Variants in PCCA observed in about 807,000 individuals in gnomAD.
PCCA encodes the protein propionyl-CoA carboxylase alpha chain, mitochondrial.
Under a neutral mutation model 101.3 loss-of-function variants are expected in PCCA, and 74 were observed. That is an observed-to-expected ratio of 0.73 (90% CI 0.61 to 0.89). The LOEUF (loss-of-function observed/expected upper bound fraction) is 0.89. Ranked by LOEUF, PCCA falls within the 40% of genes least tolerant of loss-of-function variation. The pLI is 0.00. For synonymous variants in PCCA, 294 were observed against 313.6 expected (o/e 0.94, Z 0.66); for missense variants, 891 against 907.0 (o/e 0.98, Z 0.23).
intron 20 of PCCA, among the ~76,000 whole-genome samples, chr13:100,428,613 A>G (rs2079335777): frequency 6.6e-6 from 1 of 152,082 alleles, no homozygotes. Context: ...GCTTTAAACC[A>G]GAGATGCTTA....
At chr13:100,235,255 T>C (rs1379834911) in intron 7 of PCCA, among the ~76,000 whole-genome samples, 1 of 149,074 alleles carries the variant, frequency 6.7e-6, no homozygotes, top group Non-Finnish European at 1.5e-5. Flanking sequence ...CAAGATACAA[T>C]TGTAGAGATA....
chr13:100,222,503 T>G (rs1326766738), intron 7 of PCCA, among the ~76,000 whole-genome samples: 1 of 152,230 alleles, frequency 6.6e-6, no homozygotes, highest in African/African-American at 2.4e-5. Flanking sequence ...CCACATTCAC[T>G]TGGAGCTACA....
rs2078802472 is a variant in PCCA at position 100,422,060 on chromosome 13, T to C, written c.1747-3573T>C. 1.1e-4 allele frequency among the ~76,000 whole-genome samples: 5 copies of C among 45,724 alleles called. No individual in the cohort carries two copies. In the South Asian group the frequency reaches 0.012, roughly 109 times the overall value. The allele number at this position is 45,724 out of a possible 152,430, so 30.0% of individuals were successfully genotyped here. ...TTCTTTTCTTTCTTTTCCTTTTCTC[T>C]TCTCTTTTCTTTTCTTTCTTTCTTT... On this transcript the variant is annotated intron_variant, in intron 19 of 23. Transcript: ENST00000376285.
chr13:100,404,703 C>T (rs773049802), intron 19 of PCCA, among the ~76,000 whole-genome samples: 1 of 152,230 alleles, frequency 6.6e-6, no homozygotes. Flanking sequence ...CCATGGCTGT[C>T]AAATCAACTT....
chr13:100,449,828 A>G (rs1349167592), intron 21 of PCCA, among the ~76,000 whole-genome samples: 2 of 152,172 alleles, frequency 1.3e-5, no homozygotes, highest in African/African-American at 2.4e-5. Flanking sequence ...TTAAACATGT[A>G]TGATATATTT....
At chr13:100,435,727 A>C (rs2079880774) in intron 20 of PCCA, among the ~76,000 whole-genome samples, 1 of 152,228 alleles carries the variant, frequency 6.6e-6, no homozygotes. Flanking sequence ...ACAACAGAAC[A>C]AAAACAGGGA....
chr13:100,166,726 G>C (rs1481322539), intron 6 of PCCA, among the ~76,000 whole-genome samples: 1 of 152,142 alleles, frequency 6.6e-6, no homozygotes, highest in Admixed American at 6.5e-5. Flanking sequence ...TACAACTAGA[G>C]GTGCTATGAA....
At chr13:100,348,828 T>C (rs1202894402) in intron 18 of PCCA, among the ~76,000 whole-genome samples, 1 of 143,214 alleles carries the variant, frequency 7.0e-6, no homozygotes, top group Non-Finnish European at 1.6e-5. Flanking sequence ...TTCTTTCTTT[T>C]CTCTCTCTTT....
intron 16 of PCCA, among the ~76,000 whole-genome samples, chr13:100,319,688 G>T (rs1456668595): frequency 6.6e-6 from 1 of 152,172 alleles, no homozygotes; most frequent in Non-Finnish European, 1.5e-5. Context: ...CTGTTCCATT[G>T]GTCCATATGT....
chr13:100,103,803 T>A (rs1008587804), intron 2 of PCCA, among the ~76,000 whole-genome samples: 4 of 149,000 alleles, frequency 2.7e-5, no homozygotes, highest in African/African-American at 9.9e-5. Flanking sequence ...GCCCGTCTAA[T>A]TTTTGTGTTT....
At chr13:100,142,544 G>A (rs759179801) in intron 4 of PCCA, among the ~76,000 whole-genome samples, 28 of 148,956 alleles carry the variant, frequency 1.9e-4, no homozygotes, top group Admixed American at 9.5e-4. Flanking sequence ...GCATGATCTC[G>A]GCTCATGCAA....
At chr13:100,447,291 G>A (rs772414883) in intron 20 of PCCA, among the ~76,000 whole-genome samples, 7 of 152,074 alleles carry the variant, frequency 4.6e-5, no homozygotes, top group African/African-American at 9.7e-5. Context: ...GGCTGAGGCC[G>A]GAGAATCGCT....
chr13:100,483,511 G>A (rs1458209370), intron 21 of PCCA, among the ~76,000 whole-genome samples: 3 of 152,144 alleles, frequency 2.0e-5, no homozygotes, highest in Admixed American at 1.3e-4. Flanking sequence ...TCCTTCCCCA[G>A]GCAAAGACTC....
At chr13:100,524,089 G>A (rs550497188) in intron 22 of PCCA, among the ~76,000 whole-genome samples, 10 of 152,320 alleles carry the variant, frequency 6.6e-5, no homozygotes, top group East Asian at 3.9e-4. Flanking sequence ...TACGGTGTGC[G>A]ACACATTCTG....
chr13:100,472,164 G>A (rs1055909093), intron 21 of PCCA, among the ~76,000 whole-genome samples: 4 of 152,136 alleles, frequency 2.6e-5, no homozygotes, highest in African/African-American at 2.4e-5. Context: ...CAATGCAGAC[G>A]TGGGCCCTTA....
intron 19 of PCCA, among the ~76,000 whole-genome samples, chr13:100,384,239 T>C (rs1195376102): frequency 6.6e-6 from 1 of 152,244 alleles, no homozygotes; most frequent in Non-Finnish European, 1.5e-5. Flanking sequence ...TTGGCCAGGC[T>C]GATCTCGAAC....
At chr13:100,230,795 C>T (rs533801451) in intron 7 of PCCA, among the ~76,000 whole-genome samples, 2 of 152,286 alleles carry the variant, frequency 1.3e-5, no homozygotes, top group East Asian at 3.9e-4. Flanking sequence ...ACCAGCTGGA[C>T]AAGGGTTTCT....
chr13:100,445,096 G>A (rs985171996), intron 20 of PCCA, among the ~76,000 whole-genome samples: 7 of 152,160 alleles, frequency 4.6e-5, no homozygotes, highest in Admixed American at 2.0e-4. Flanking sequence ...GAGCTGGTGT[G>A]TGTGGAGGTC....
At chr13:100,159,055 C>T (rs942238019) in intron 6 of PCCA, among the ~76,000 whole-genome samples, 2 of 132,858 alleles carry the variant, frequency 1.5e-5, no homozygotes, top group African/African-American at 2.8e-5. Context: ...ACAGTTTATG[C>T]ATTTTTTCAG....
Sources: gnomAD v4.1 joint callset for allele counts (sites outside exome capture counted in the v4.1 genomes callset) on GRCh38, gnomAD v4.1.1 for gene constraint, MANE v1.5 for transcripts, NCBI Gene and HGNC (gene_info 2026-07-23, HGNC 2026-07-21) for gene names.